PPA2: variants seen among roughly 807,000 people sequenced by gnomAD.
The protein encoded by PPA2 is inorganic pyrophosphatase 2, mitochondrial.
A neutral mutation model predicts 49.5 loss-of-function variants in PPA2; 48 were observed. That is an observed-to-expected ratio of 0.97 (90% CI 0.77 to 1.23). The LOEUF is 1.23. Among genes scored for constraint, PPA2 ranks in the 50% most tolerant of loss-of-function variants. The pLI, the probability that PPA2 is intolerant of heterozygous loss-of-function variation, is 0.00. For synonymous variants in PPA2, 131 were observed against 139.9 expected (o/e 0.94, Z 0.45); for missense variants, 429 against 410.1 (o/e 1.05, Z -0.40).
chr4:105,370,883 A>G lies in PPA2; in HGVS notation c.940-10T>C. 6.8e-7 allele frequency: 1 copy of G among 1,470,726 alleles called. No homozygotes were observed. Among genetic ancestry groups the G allele is most frequent in the South Asian group, 1.3e-5 (1 of 76,280 alleles). The allele number at this position is 1,470,726 out of a possible 1,614,324, so 91.1% of individuals were successfully genotyped here. ...TTGGTGAAGATGATACCTGGAAATA[A>G]AAACAGAGAAAGAATCTCTGTTACA... On this transcript the variant is annotated splice_polypyrimidine_tract_variant and intron_variant, in intron 10 of 11. Transcript: ENST00000341695.
chr4:105,468,151 T>A (rs1045219089), intron 1 of PPA2, among the ~76,000 whole-genome samples: 1 of 152,206 alleles, frequency 6.6e-6, no homozygotes, highest in Non-Finnish European at 1.5e-5. Context: ...GGCTGTATGT[T>A]ACAATGGCAG....
At chr4:105,383,861 A>G (rs1733586728) in intron 10 of PPA2, among the ~76,000 whole-genome samples, 1 of 151,168 alleles carries the variant, frequency 6.6e-6, no homozygotes, top group African/African-American at 2.4e-5. Context: ...AAGTATGATG[A>G]ATGACTTCTG....
chr4:105,450,820 G>A (rs1196810972), intron 3 of PPA2, among the ~76,000 whole-genome samples: 3 of 151,996 alleles, frequency 2.0e-5, no homozygotes, highest in South Asian at 2.1e-4. Context: ...TGTTAGCCAG[G>A]ATGGTCTCGA....
At chr4:105,400,279 C>T (rs1393751899) in intron 7 of PPA2, among the ~76,000 whole-genome samples, 2 of 150,142 alleles carry the variant, frequency 1.3e-5, no homozygotes, top group Admixed American at 6.6e-5. Flanking sequence ...TTTTCTTATT[C>T]AGAGGGGAAA....
intron 1 of PPA2, among the ~76,000 whole-genome samples, chr4:105,459,416 T>C (rs1722997595): frequency 6.6e-6 from 1 of 152,220 alleles, no homozygotes; most frequent in South Asian, 2.1e-4. Flanking sequence ...ATGTAATAGA[T>C]ACTAAAGTGG....
chr4:105,422,518 A>G (rs1723298096), intron 7 of PPA2, among the ~76,000 whole-genome samples: 1 of 152,224 alleles, frequency 6.6e-6, no homozygotes, highest in South Asian at 2.1e-4. Context: ...TGCTAGGCTT[A>G]TGTGATCTAG....
chr4:105,424,116 CT>C (rs1307096912), intron 7 of PPA2, 79 bp downstream of exon 7: 1 of 1,420,590 alleles, frequency 7.0e-7, no homozygotes, highest in African/African-American at 1.5e-5. Context: ...TTTAACTCCC[CT>C]ATGTGAACTT....
intron 1 of PPA2, among the ~76,000 whole-genome samples, chr4:105,462,012 C>T (rs1247138718): frequency 6.6e-6 from 1 of 152,090 alleles, no homozygotes; most frequent in Non-Finnish European, 1.5e-5. Flanking sequence ...CTATTATGTT[C>T]CATTTAAAGG....
intron 9 of PPA2, among the ~76,000 whole-genome samples, chr4:105,387,771 AG>A (rs34239431): frequency 3.0e-4 from 46 of 151,732 alleles, no homozygotes; most frequent in Non-Finnish European, 4.4e-5. Flanking sequence ...TTAAAAGTTG[AG>A]GGGGAAAAAA....
At chr4:105,464,132 C>T (rs1723204721) in intron 1 of PPA2, among the ~76,000 whole-genome samples, 1 of 152,208 alleles carries the variant, frequency 6.6e-6, no homozygotes, top group South Asian at 2.1e-4. Flanking sequence ...GGGGACTATA[C>T]CCTGCAAAGC....
intron 9 of PPA2, among the ~76,000 whole-genome samples, chr4:105,395,612 G>A (rs1465261872): frequency 1.3e-5 from 2 of 152,000 alleles, no homozygotes; most frequent in Non-Finnish European, 2.9e-5. Context: ...CAATAAAGGT[G>A]AATCACTACA....
At chr4:105,369,874 G>GC in intron 11 of PPA2, 121 bp from the exon 12 acceptor site, 1 of 904,516 alleles carries the variant, frequency 1.1e-6, no homozygotes, top group African/African-American at 1.7e-5. Flanking sequence ...ACAGTCATAA[G>GC]CTATCTAAAG....
At chr4:105,405,645 G>GA (rs1560615356) in intron 7 of PPA2, 1 of 1,012,920 alleles carries the variant, frequency 9.9e-7, no homozygotes, top group African/African-American at 1.7e-5. Context: ...TTCTGCTTCG[G>GA]AAAAAACAGA....
intron 1 of PPA2, among the ~76,000 whole-genome samples, chr4:105,460,849 G>T (rs1723058382): frequency 1.5e-5 from 2 of 131,576 alleles, no homozygotes; most frequent in African/African-American, 3.8e-5. Flanking sequence ...TTATTAAGAT[G>T]TAAGATCACA....
chr4:105,436,132 T>C (rs1040433607), intron 6 of PPA2, among the ~76,000 whole-genome samples: 1 of 152,072 alleles, frequency 6.6e-6, no homozygotes, highest in Non-Finnish European at 1.5e-5. Flanking sequence ...AATCTATATA[T>C]AAAAATTAAT....
chr4:105,453,217 T>C lies in PPA2; in HGVS notation c.267+381A>G, dbSNP rs1456772801. On this transcript the variant is annotated intron_variant, in intron 3 of 11. Coordinates refer to ENST00000341695, the MANE Select transcript of PPA2 (RefSeq NM_176869.3). Reference sequence around the variant, plus strand: ...ACAGTCAAATTCATAAGACAGAAAGTAGAATAGTGCTTCCCAGGGCCTCGG... The same window carrying C: ...ACAGTCAAATTCATAAGACAGAAAGCAGAATAGTGCTTCCCAGGGCCTCGG... Among the ~76,000 whole-genome samples, 17 of 152,110 alleles carry C rather than the reference T, an allele frequency of 1.1e-4. 1 individual carries two copies. Among genetic ancestry groups the C allele is most frequent in the Admixed American group, 1.1e-3 (17 of 15,282 alleles).
intron 10 of PPA2, among the ~76,000 whole-genome samples, chr4:105,379,114 C>T (rs1230249699): frequency 1.3e-5 from 2 of 151,102 alleles, no homozygotes; most frequent in Admixed American, 1.3e-4. Flanking sequence ...TACTATATTA[C>T]ATGCAATGTT....
intron 7 of PPA2, among the ~76,000 whole-genome samples, chr4:105,401,584 T>G (rs182620808): frequency 6.6e-6 from 1 of 152,160 alleles, no homozygotes; most frequent in African/African-American, 2.4e-5. Flanking sequence ...TTTTTTACAA[T>G]CTATGTTATT....
intron 10 of PPA2, among the ~76,000 whole-genome samples, chr4:105,377,971 C>T (rs1361388193): frequency 2.6e-5 from 4 of 152,046 alleles, no homozygotes; most frequent in Non-Finnish European, 5.9e-5. Context: ...CAGTTTCTGT[C>T]TATCACAAAG....
Sources: allele counts gnomAD v4.1 joint callset (sites outside exome capture counted in the v4.1 genomes callset), GRCh38; gene constraint gnomAD v4.1.1; transcripts MANE v1.5; gene names NCBI Gene and HGNC (gene_info 2026-07-23, HGNC 2026-07-21).